The following SLC7A14 variants were observed in gnomAD, a reference collection of about 807,000 sequenced individuals.
SLC7A14 encodes gamma-aminobutyric acid transporter SLC7A14.
A neutral mutation model predicts 60.2 loss-of-function variants in SLC7A14; 37 were observed. The observed-to-expected ratio is 0.61, with a 90% CI of 0.47 to 0.81. SLC7A14 has a LOEUF of 0.81. Among genes scored for constraint, SLC7A14 ranks in the 30% least tolerant of loss-of-function variants. The probability of loss-of-function intolerance (pLI) is 0.00; values close to 1 mark genes in which losing one functional copy is unlikely to be tolerated. For missense variants in SLC7A14, 886 were observed against 982.7 expected (o/e 0.90, Z 1.32); for synonymous variants, 399 against 395.8 (o/e 1.01, Z -0.10).
chr3:170,557,297 A>C (rs1205395772), intron 1 of SLC7A14, among the ~76,000 whole-genome samples: 1 of 151,968 alleles, frequency 6.6e-6, no homozygotes, highest in East Asian at 1.9e-4. Context: ...TTTTTTTCAG[A>C]AACCTCACAG....
At chr3:170,576,044 C>T (rs1715081817) in intron 1 of SLC7A14, among the ~76,000 whole-genome samples, 1 of 152,214 alleles carries the variant, frequency 6.6e-6, no homozygotes. Context: ...CCCATTTCTA[C>T]AATAGCTTTC....
chr3:170,577,823 C>A (rs1715139385), intron 1 of SLC7A14, among the ~76,000 whole-genome samples: 1 of 152,076 alleles, frequency 6.6e-6, no homozygotes, highest in Admixed American at 6.5e-5. Context: ...GCTAAATGCC[C>A]ATTTGTATAT....
chr3:170,548,647 C>T (rs1240808101), intron 1 of SLC7A14, among the ~76,000 whole-genome samples: 1 of 152,206 alleles, frequency 6.6e-6, no homozygotes, highest in East Asian at 1.9e-4. Flanking sequence ...CAGGCTCTTT[C>T]ATGGAGCTTC....
intron 2 of SLC7A14, among the ~76,000 whole-genome samples, chr3:170,503,577 T>C (rs1405790599): frequency 6.6e-6 from 1 of 152,206 alleles, no homozygotes; most frequent in Non-Finnish European, 1.5e-5. Flanking sequence ...ATTACTCCTA[T>C]ATTCTATGAG....
intron 1 of SLC7A14, among the ~76,000 whole-genome samples, chr3:170,566,958 C>T (rs908672247): frequency 1.3e-5 from 2 of 152,032 alleles, no homozygotes; most frequent in African/African-American, 4.8e-5. Context: ...ACACCTTAAA[C>T]ATTCATTTAC....
At chr3:170,498,519 C>G in intron 4 of SLC7A14, 148 bp downstream of exon 4, 2 of 678,924 alleles carry the variant, frequency 2.9e-6, no homozygotes, top group Middle Eastern at 4.1e-4. Flanking sequence ...CAGGATATTC[C>G]AACTAAATTA....
At chr3:170,569,077 C>T (rs1221811290) in intron 1 of SLC7A14, among the ~76,000 whole-genome samples, 7 of 152,150 alleles carry the variant, frequency 4.6e-5, no homozygotes, top group African/African-American at 1.2e-4. Context: ...GAGGGCATCC[C>T]TGTCTTGTGC....
chr3:170,541,435 C>T (rs1438160447), intron 1 of SLC7A14, among the ~76,000 whole-genome samples: 1 of 151,430 alleles, frequency 6.6e-6, no homozygotes, highest in Non-Finnish European at 1.5e-5. Flanking sequence ...CCATCTCTAT[C>T]AAAAGAAAAA....
intron 2 of SLC7A14, among the ~76,000 whole-genome samples, chr3:170,511,749 G>A (rs547153336): frequency 2.5e-4 from 38 of 152,298 alleles, no homozygotes; most frequent in African/African-American, 8.7e-4. Flanking sequence ...AGAGTTGGTA[G>A]GAAGGTTAGA....
chr3:170,516,987 A>T (rs16855203), intron 2 of SLC7A14, among the ~76,000 whole-genome samples: 16,322 of 152,130 alleles, frequency 0.11, 1,303 homozygotes, highest in African/African-American at 0.22. Context: ...TTTTGGGATT[A>T]TGCAAATGGT....
At chr3:170,580,479 A>G (rs1429174815) in intron 1 of SLC7A14, among the ~76,000 whole-genome samples, 2 of 152,224 alleles carry the variant, frequency 1.3e-5, no homozygotes, top group Middle Eastern at 3.2e-3. Flanking sequence ...TAAAGCTAGC[A>G]TCATCTACTA....
At chr3:170,559,108 T>G (rs1714568676) in intron 1 of SLC7A14, among the ~76,000 whole-genome samples, 1 of 152,216 alleles carries the variant, frequency 6.6e-6, no homozygotes, top group African/African-American at 2.4e-5. Flanking sequence ...AAATTATTAC[T>G]TAATATGTTC....
chr3:170,560,700 A>G (rs1257685924), intron 1 of SLC7A14, among the ~76,000 whole-genome samples: 1 of 152,212 alleles, frequency 6.6e-6, no homozygotes, highest in Non-Finnish European at 1.5e-5. Flanking sequence ...ACAGTGAACA[A>G]AATGTGACCC....
At position 170,532,781 on chromosome 3, in the gene SLC7A14, A is replaced by G. The variant is rs576515618; in HGVS notation, c.-152-5693T>C. On this transcript the variant is annotated intron_variant, in intron 1 of 7. Transcript: ENST00000231706. This position sits in a 1 kb window ranked among gnomAD's most constrained non-coding sequence, Gnocchi z 4.0. ...TTGGCCTGATGCCAAGTCCTTAATC[A>G]GGGCTTTTTTCTGTTGAACCTCCCC... Among the ~76,000 whole-genome samples the G allele has an allele frequency of 1.3e-4, 20 of 151,772 alleles. No homozygotes were observed. The highest frequency in any genetic ancestry group is 4.6e-4 in the African/African-American group (19 of 41,348).
At chr3:170,470,397 T>C (rs1191919335) in intron 7 of SLC7A14, among the ~76,000 whole-genome samples, 2 of 151,628 alleles carry the variant, frequency 1.3e-5, no homozygotes, top group Non-Finnish European at 2.9e-5. Flanking sequence ...ACTTTTTACT[T>C]TGTGAAGACA....
At chr3:170,527,149 C>A (rs946784777) in intron 1 of SLC7A14, 61 bp from the exon 2 acceptor site, 5 of 591,822 alleles carry the variant, frequency 8.4e-6, no homozygotes, top group Non-Finnish European at 1.5e-5. Flanking sequence ...CCTTGACTTG[C>A]GGGGATGGTT....
At chr3:170,519,293 A>G (rs1430513967) in intron 2 of SLC7A14, among the ~76,000 whole-genome samples, 1 of 152,202 alleles carries the variant, frequency 6.6e-6, no homozygotes, top group East Asian at 1.9e-4. Flanking sequence ...TGCATGCCTT[A>G]TAGATGTGGC....
chr3:170,550,512 ATTTT>A (rs369436642), intron 1 of SLC7A14, among the ~76,000 whole-genome samples: 46 of 60,616 alleles, frequency 7.6e-4, no homozygotes, highest in Admixed American at 2.4e-3. Context: ...CTTTCCTTGA[ATTTT>A]TTTTTTTTTT....
intron 5 of SLC7A14, among the ~76,000 whole-genome samples, chr3:170,483,782 G>A (rs541985851): frequency 2.7e-4 from 41 of 152,344 alleles, no homozygotes; most frequent in Non-Finnish European, 4.1e-4. Flanking sequence ...TATCTGAGGA[G>A]TAAGTCTGCA....
Sources: allele counts gnomAD v4.1 joint callset (sites outside exome capture counted in the v4.1 genomes callset), GRCh38; gene constraint gnomAD v4.1.1; non-coding constraint Gnocchi (gnomAD v3.1); transcripts MANE v1.5; gene names NCBI Gene and HGNC (gene_info 2026-07-23, HGNC 2026-07-21).